Variants in ATP8A2 observed in about 807,000 individuals in gnomAD.
The protein encoded by ATP8A2 is ATPase phospholipid transporting 8A2.
A neutral mutation model predicts 165.6 loss-of-function variants in ATP8A2; 100 were observed. The ratio of observed to expected loss-of-function variants is 0.60; its 90% confidence interval spans 0.51 to 0.71. The LOEUF (loss-of-function observed/expected upper bound fraction) is 0.71, where lower values mean the gene tolerates loss of function less well. Ranked by LOEUF, ATP8A2 falls within the 30% of genes least tolerant of loss-of-function variation. ATP8A2 has a pLI of 0.00. For synonymous variants in ATP8A2, 543 were observed against 548.8 expected, an observed-to-expected ratio of 0.99 and a Z score of 0.15; for missense variants, 1,227 against 1,479.5, an observed-to-expected ratio of 0.83 and a Z score of 2.80.
intron 2 of ATP8A2, among the ~76,000 whole-genome samples, chr13:25,503,260 C>G (rs1298285161): frequency 2.0e-5 from 3 of 152,158 alleles, no homozygotes; most frequent in Non-Finnish European, 4.4e-5. Context: ...AAGGCTCCTT[C>G]TGTGGAAATG....
chr13:25,581,430 T>C lies in ATP8A2; in HGVS notation c.2008-389T>C, dbSNP rs115539597. On this transcript the variant is annotated intron_variant, in intron 22 of 36. Coordinates refer to ENST00000381655, the MANE Select transcript of ATP8A2 (RefSeq NM_016529.6). ...TCTTACTCCTATTTTGCCAGGTAAG[T>C]GTATTATCTAGAATTAGTTCTCCTC... Among the ~76,000 whole-genome samples, 1,418 of 152,312 alleles carry C rather than the reference T, an allele frequency of 9.3e-3. 25 individuals are homozygous for C. The highest frequency in any genetic ancestry group is 0.033 in the African/African-American group (1,365 of 41,576).
chr13:25,986,118 G>A (rs1205910420), intron 35 of ATP8A2, among the ~76,000 whole-genome samples: 1 of 152,068 alleles, frequency 6.6e-6, no homozygotes, highest in Non-Finnish European at 1.5e-5. Context: ...ATGTATTCAA[G>A]GTGTACAACA....
chr13:25,696,699 G>C (rs980003508), intron 24 of ATP8A2, among the ~76,000 whole-genome samples: 8 of 152,188 alleles, frequency 5.3e-5, no homozygotes, highest in Non-Finnish European at 1.2e-4. Context: ...TCTGGATTAG[G>C]CTTTGATTTA....
chr13:25,776,180 A>G (rs894204207), intron 27 of ATP8A2, among the ~76,000 whole-genome samples: 4 of 152,248 alleles, frequency 2.6e-5, no homozygotes, highest in Non-Finnish European at 5.9e-5. Context: ...GGGCCAGCCT[A>G]TTCGCCAAGA....
chr13:25,647,638 C>T (rs974312630), intron 24 of ATP8A2, among the ~76,000 whole-genome samples: 2 of 151,814 alleles, frequency 1.3e-5, no homozygotes, highest in African/African-American at 4.8e-5. Context: ...TTGGCACTTT[C>T]CCCCCAGTAA....
At chr13:25,374,765 T>C (rs1458425709) in intron 1 of ATP8A2, among the ~76,000 whole-genome samples, 1 of 152,056 alleles carries the variant, frequency 6.6e-6, no homozygotes, top group Non-Finnish European at 1.5e-5. Flanking sequence ...AGGATCTGCA[T>C]AGTGTGGGCT....
intron 35 of ATP8A2, among the ~76,000 whole-genome samples, chr13:25,971,376 TAG>T (rs1384630643): frequency 6.6e-6 from 1 of 151,912 alleles, no homozygotes; most frequent in East Asian, 1.9e-4. Context: ...GGGTGGAGGG[TAG>T]AGACTAAGAA....
chr13:25,791,390 G>A (rs972030191), intron 27 of ATP8A2, among the ~76,000 whole-genome samples: 6 of 152,102 alleles, frequency 3.9e-5, no homozygotes, highest in African/African-American at 1.2e-4. Context: ...GGAGGGTGGA[G>A]GATGGGAGTA....
At chr13:25,731,605 G>A (rs533030595) in intron 25 of ATP8A2, among the ~76,000 whole-genome samples, 1 of 152,286 alleles carries the variant, frequency 6.6e-6, no homozygotes, top group South Asian at 2.1e-4. Context: ...CTAGAGTGCT[G>A]ATATACGATA....
At chr13:25,810,133 A>G (rs1269843851) in intron 27 of ATP8A2, among the ~76,000 whole-genome samples, 2 of 152,206 alleles carry the variant, frequency 1.3e-5, no homozygotes, top group Non-Finnish European at 2.9e-5. Context: ...GGTAGTCTCT[A>G]ACCTCCATTC....
intron 25 of ATP8A2, among the ~76,000 whole-genome samples, chr13:25,718,158 T>C (rs2043295775): frequency 6.6e-6 from 1 of 152,094 alleles, no homozygotes; most frequent in African/African-American, 2.4e-5. Flanking sequence ...GTGGTGGCCT[T>C]TTAGAGTAGG....
intron 25 of ATP8A2, among the ~76,000 whole-genome samples, chr13:25,747,746 G>A (rs944897968): frequency 6.6e-6 from 1 of 152,168 alleles, no homozygotes; most frequent in Non-Finnish European, 1.5e-5. Context: ...GTATGGATCA[G>A]CTCCATTTTA....
At chr13:25,425,099 G>A (rs1228941892) in intron 1 of ATP8A2, among the ~76,000 whole-genome samples, 1 of 152,070 alleles carries the variant, frequency 6.6e-6, no homozygotes, top group Non-Finnish European at 1.5e-5. Flanking sequence ...AAGAGGTAAC[G>A]ACATGGCACA....
intron 27 of ATP8A2, among the ~76,000 whole-genome samples, chr13:25,822,102 G>A (rs1360622587): frequency 2.6e-5 from 4 of 152,022 alleles, no homozygotes; most frequent in Admixed American, 2.0e-4. Context: ...TAATGTATCT[G>A]TGAGATTCTT....
intron 13 of ATP8A2, among the ~76,000 whole-genome samples, chr13:25,557,363 T>C (rs558176725): frequency 8.7e-4 from 132 of 152,164 alleles, no homozygotes; most frequent in African/African-American, 3.1e-3. Flanking sequence ...TTTTTTTTCT[T>C]TTTTTTGGCT....
rs1459915242 is a variant in ATP8A2 at position 25,502,686 on chromosome 13, C to A, written c.222-27313C>A. ...GTGGATCCTCTACCTAGAACACTGA[C>A]GAATTCACTCCTACTTGTCCTTTGG... On this transcript the variant is annotated intron_variant, in intron 2 of 36. Coordinates refer to ENST00000381655, the MANE Select transcript of ATP8A2 (RefSeq NM_016529.6). Among the ~76,000 whole-genome samples the A allele has an allele frequency of 2.0e-5, 3 of 152,176 alleles. No homozygotes were observed. The East Asian group carries it at 5.8e-4, about 29-fold the overall frequency.
At chr13:25,943,416 G>A (rs1955125874) in intron 33 of ATP8A2, among the ~76,000 whole-genome samples, 1 of 152,162 alleles carries the variant, frequency 6.6e-6, no homozygotes, top group African/African-American at 2.4e-5. Context: ...CCTTTTATAT[G>A]TTCAGATGCA....
At chr13:25,580,498 T>C (rs975694789) in intron 22 of ATP8A2, among the ~76,000 whole-genome samples, 11 of 152,120 alleles carry the variant, frequency 7.2e-5, no homozygotes, top group Non-Finnish European at 1.6e-4. Flanking sequence ...TTGGCAGCCA[T>C]AGGGCCATCC....
At chr13:25,866,641 G>C (rs1024662504) in intron 33 of ATP8A2, among the ~76,000 whole-genome samples, 7 of 151,958 alleles carry the variant, frequency 4.6e-5, no homozygotes, top group African/African-American at 1.5e-4. Context: ...CACACACACA[G>C]AGAGACACAC....
Sources: gnomAD v4.1 joint callset for allele counts (sites outside exome capture counted in the v4.1 genomes callset) on GRCh38, gnomAD v4.1.1 for gene constraint, MANE v1.5 for transcripts, NCBI Gene and HGNC (gene_info 2026-07-23, HGNC 2026-07-21) for gene names.